Variants in EYS observed in about 807,000 individuals in gnomAD.
EYS encodes protein eyes shut homolog.
A neutral mutation model predicts 282.1 loss-of-function variants in EYS; 250 were observed. That is an observed-to-expected ratio of 0.89 (90% CI 0.80 to 0.98). The LOEUF (loss-of-function observed/expected upper bound fraction) is 0.98. Among genes scored for constraint, EYS ranks in the 50% least tolerant of loss-of-function variants. The pLI is 0.00. For synonymous variants in EYS, 1,355 were observed against 1,282.9 expected (o/e 1.06, Z -1.20); for missense variants, 4,016 against 3,709.0 (o/e 1.08, Z -2.15).
At chr6:64,155,049 A>G (rs1212802906) in intron 31 of EYS, among the ~76,000 whole-genome samples, 1 of 152,136 alleles carries the variant, frequency 6.6e-6, no homozygotes, top group Non-Finnish European at 1.5e-5. Flanking sequence ...CCAGAGTCCA[A>G]GGGGCAGGTC....
chr6:64,439,095 A>G (rs1774848855), intron 27 of EYS, 67 bp downstream of exon 27: 1 of 821,198 alleles, frequency 1.2e-6, no homozygotes, highest in Non-Finnish European at 1.8e-6. Context: ...TTTGAAAATA[A>G]CCAATGAAGC....
At chr6:65,274,909 GGAGAGA>G (rs3042964) in intron 12 of EYS, among the ~76,000 whole-genome samples, 26 of 148,514 alleles carry the variant, frequency 1.8e-4, no homozygotes, top group East Asian at 8.0e-4. Flanking sequence ...CAAAAAAAAA[GGAGAGA>G]GAGAGAGAGA....
chr6:64,598,470 C>CAAAA, intron 24 of EYS, among the ~76,000 whole-genome samples: 1 of 152,110 alleles, frequency 6.6e-6, no homozygotes, highest in African/African-American at 2.4e-5. Flanking sequence ...CAAAAACAAA[C>CAAAA]AAACAAACAA....
chr6:64,385,962 C>G (rs904040147), intron 29 of EYS, among the ~76,000 whole-genome samples: 2 of 152,124 alleles, frequency 1.3e-5, no homozygotes, highest in Admixed American at 1.3e-4. Flanking sequence ...TAGCCTAGTT[C>G]TTGATTGCTG....
intron 12 of EYS, among the ~76,000 whole-genome samples, chr6:65,184,712 T>A (rs1424262139): frequency 6.6e-6 from 1 of 151,644 alleles, no homozygotes; most frequent in Non-Finnish European, 1.5e-5. Flanking sequence ...AAATAACACC[T>A]AATGCTGTAA....
At position 65,352,767 on chromosome 6, in the gene EYS, T is replaced by C. The variant is rs142265352; in HGVS notation, c.1459+691A>G. ...AACTTATGGAATGTGTCAAAACCTA[T>C]AGTAATTTTCTATTCCTTTTAGAAG... On this transcript the variant is annotated intron_variant, in intron 9 of 42. Transcript: ENST00000503581. 4.4e-3 allele frequency among the ~76,000 whole-genome samples: 664 copies of C among 152,084 alleles called. 6 individuals are homozygous for C. The highest frequency in any genetic ancestry group is 0.015 in the African/African-American group (617 of 41,560).
At chr6:63,732,129 C>T (rs950872701) in intron 41 of EYS, among the ~76,000 whole-genome samples, 1 of 151,920 alleles carries the variant, frequency 6.6e-6, no homozygotes, top group Middle Eastern at 3.4e-3. Context: ...TATCTGTGCA[C>T]ATGTGAGCGT....
chr6:64,742,946 A>C (rs1772424246), intron 22 of EYS, among the ~76,000 whole-genome samples: 1 of 152,172 alleles, frequency 6.6e-6, no homozygotes, highest in Non-Finnish European at 1.5e-5. Context: ...ACTGCAAATA[A>C]GAAAATTTAG....
At chr6:64,569,463 C>T (rs765850180) in intron 26 of EYS, among the ~76,000 whole-genome samples, 3 of 151,768 alleles carry the variant, frequency 2.0e-5, no homozygotes, top group Admixed American at 6.6e-5. Flanking sequence ...GAAAAGGAGC[C>T]GGGCGTGGTG....
chr6:64,590,413 T>C lies in EYS; in HGVS notation c.5454A>G (p.Pro1818=), dbSNP rs1198934031. 7.1e-6 allele frequency: 11 copies of C among 1,551,284 alleles called. No individual in the cohort carries two copies. Among genetic ancestry groups the C allele is most frequent in the Non-Finnish European group, 8.7e-6 (10 of 1,146,780 alleles). Residue 1818 remains proline (P), a synonymous_variant, in exon 26 of 43, where the codon CCA becomes CCG. Transcript: ENST00000503581. ...SSMSVIRPDW[P]YFTDYMTSLK... ...GAGAGGTCATATAATCTGTAAAATATGGCCAATCTGGCCTAATTACAGACA... is the reference window on the plus strand; with the variant it reads ...GAGAGGTCATATAATCTGTAAAATACGGCCAATCTGGCCTAATTACAGACA...
At chr6:64,516,294 T>C (rs1452722010) in intron 26 of EYS, among the ~76,000 whole-genome samples, 2 of 151,340 alleles carry the variant, frequency 1.3e-5, no homozygotes, top group Non-Finnish European at 3.0e-5. Flanking sequence ...GGACCTTTTT[T>C]GGAGAGTGGA....
intron 13 of EYS, among the ~76,000 whole-genome samples, chr6:65,027,200 T>A: frequency 6.6e-6 from 1 of 152,234 alleles, no homozygotes; most frequent in East Asian, 1.9e-4. Flanking sequence ...TTTACCTTAA[T>A]GTCGTCAATC....
rs147968944 is a variant in EYS, at chr6:64,641,807, T to C, written c.3444-15562A>G. On this transcript the variant is annotated intron_variant, in intron 22 of 42. Coordinates refer to ENST00000503581, the MANE Select transcript of EYS (RefSeq NM_001142800.2). ...CACCAGCAGCCACACTGAATTCTCATAGGAGCGTGAACCCTATTGTGAACC... is the reference window on the plus strand; with the variant it reads ...CACCAGCAGCCACACTGAATTCTCACAGGAGCGTGAACCCTATTGTGAACC... Among the ~76,000 whole-genome samples, 434 of 152,238 alleles carry C rather than the reference T, an allele frequency of 2.9e-3. 1 individual carries two copies. The highest frequency in any genetic ancestry group is 9.9e-3 in the African/African-American group (410 of 41,562).
chr6:64,641,198 CAAG>C (rs1263643657), intron 22 of EYS, among the ~76,000 whole-genome samples: 1 of 152,070 alleles, frequency 6.6e-6, no homozygotes, highest in Non-Finnish European at 1.5e-5. Context: ...TAGCAGAAGG[CAAG>C]GAGGAGCAAG....
chr6:64,723,333 A>T (rs911345633), intron 22 of EYS, among the ~76,000 whole-genome samples: 39 of 152,186 alleles, frequency 2.6e-4, no homozygotes, highest in African/African-American at 9.4e-4. Flanking sequence ...AATACCAGAA[A>T]TGAAGAATGT....
intron 30 of EYS, among the ~76,000 whole-genome samples, chr6:64,257,720 C>G (rs567031103): frequency 3.3e-5 from 5 of 151,830 alleles, no homozygotes; most frequent in Non-Finnish European, 7.4e-5. Context: ...CCTGGTCTAA[C>G]AAGTATCCAG....
chr6:65,378,739 A>G (rs144032042), intron 8 of EYS, among the ~76,000 whole-genome samples: 20 of 152,136 alleles, frequency 1.3e-4, no homozygotes, highest in African/African-American at 4.6e-4. Context: ...TTGCAGGGAC[A>G]TGGATGAAGA....
intron 34 of EYS, among the ~76,000 whole-genome samples, chr6:63,988,340 G>A (rs1030575189): frequency 4.6e-5 from 7 of 151,674 alleles, no homozygotes; most frequent in Middle Eastern, 3.4e-3. Context: ...GGTAGAGAAT[G>A]GAAGAATACC....
chr6:64,964,247 A>C (rs1203099252), intron 14 of EYS, among the ~76,000 whole-genome samples: 1 of 152,106 alleles, frequency 6.6e-6, no homozygotes, highest in Non-Finnish European at 1.5e-5. Flanking sequence ...AGGAATTTTT[A>C]TTTCCTCTTT....
Sources: gnomAD v4.1 joint callset for allele counts (sites outside exome capture counted in the v4.1 genomes callset) on GRCh38, gnomAD v4.1.1 for gene constraint, MANE v1.5 for transcripts, NCBI Gene and HGNC (gene_info 2026-07-23, HGNC 2026-07-21) for gene names.